The following FBXL4 variants were observed in gnomAD, a reference collection of about 807,000 sequenced individuals.
FBXL4 encodes the protein F-box/LRR-repeat protein 4.
Under a neutral mutation model 58.9 loss-of-function variants are expected in FBXL4, and 40 were observed. The observed-to-expected ratio is 0.68, with a 90% CI of 0.53 to 0.88. The LOEUF (loss-of-function observed/expected upper bound fraction) is 0.88, where lower values mean the gene tolerates loss of function less well. Ranked by LOEUF, FBXL4 falls within the 40% of genes least tolerant of loss-of-function variation. FBXL4 has a pLI of 0.00. For missense variants in FBXL4, 676 were observed against 734.4 expected, an observed-to-expected ratio of 0.92 and a Z score of 0.92; for synonymous variants, 263 against 265.5, an observed-to-expected ratio of 0.99 and a Z score of 0.09.
chr6:98,917,498 T>C lies in FBXL4; in HGVS notation c.734A>G (p.Asp245Gly), dbSNP rs1772407390. ...TTCTGCATAGGCATCATCTTCTATA[T>C]CATTCATGTCAATAAGTGAAGTCTT... ...SLKTSLIDMN[D>G]IEDDAYAEKD... Residue 245 changes from aspartate to glycine, a missense_variant, in exon 5 of 10, where the codon GAT (aspartate) becomes GGT (glycine). By Grantham distance (94) the Asp-to-Gly change is moderately conservative (BLOSUM62 -1). Coordinates refer to ENST00000369244, the MANE Select transcript of FBXL4 (RefSeq NM_001278716.2). 6.2e-7 allele frequency: 1 copy of C among 1,613,952 alleles called. No individual in the cohort carries two copies.
rs1770487536 is a variant in FBXL4 at position 98,871,403 on chromosome 6, C to G, written c.*2875G>C. 1 of 152,162 alleles carries G rather than the reference C, an allele frequency of 6.6e-6. No homozygotes were observed. Among genetic ancestry groups the G allele is most frequent in the African/African-American group, 2.4e-5 (1 of 41,440 alleles). The allele number at this position is 152,162 out of a possible 1,614,324, so 9.4% of individuals were successfully genotyped here. On this transcript the variant is annotated 3_prime_UTR_variant, in exon 10 of 10. Coordinates refer to ENST00000369244, the MANE Select transcript of FBXL4 (RefSeq NM_001278716.2). Reference sequence around the variant, plus strand: ...CCTAGTTATTGCTTATTTGATAAGTCAATGCCAACGTTGAAGTGACTGAAA... The same window carrying G: ...CCTAGTTATTGCTTATTTGATAAGTGAATGCCAACGTTGAAGTGACTGAAA...
At position 98,871,196 on chromosome 6, in the gene FBXL4, T is replaced by C. The variant is rs9388788; in HGVS notation, c.*3082A>G. On this transcript the variant is annotated 3_prime_UTR_variant, in exon 10 of 10. Transcript: ENST00000369244. Reference sequence around the variant, plus strand: ...ACGATAACTAAATTGTGTTTGATTCTATCGGCTGAAGGACTGTGTCCAAAG... The same window carrying C: ...ACGATAACTAAATTGTGTTTGATTCCATCGGCTGAAGGACTGTGTCCAAAG... 0.16 allele frequency: 24,157 copies of C among 152,114 alleles called. 2,280 individuals carry two copies. The highest frequency in any genetic ancestry group is 0.47 in the East Asian group (2,422 of 5,158). The allele number at this position is 152,114 out of a possible 1,614,324, so 9.4% of individuals were successfully genotyped here. A position where few individuals can be genotyped will look rare whatever the true frequency, so the allele number is the denominator to read the frequency against.
rs1418895454 is a variant in FBXL4, at chr6:98,872,803, C to T, written c.*1475G>A. Reference sequence around the variant, plus strand: ...CAGATGGCCTGGGTTTATATGTTGGCTCTGCCACTAGCAGCTGTATGATCA... The same window carrying T: ...CAGATGGCCTGGGTTTATATGTTGGTTCTGCCACTAGCAGCTGTATGATCA... On this transcript the variant is annotated 3_prime_UTR_variant, in exon 10 of 10. Coordinates refer to ENST00000369244, the MANE Select transcript of FBXL4 (RefSeq NM_001278716.2). 2 of 152,176 alleles carry T rather than the reference C, an allele frequency of 1.3e-5. No individual in the cohort carries two copies. Among genetic ancestry groups the T allele is most frequent in the African/African-American group, 2.4e-5 (1 of 41,438 alleles). 9.4% of individuals were successfully genotyped at this position (152,176 alleles called of 1,614,324 possible). A position where few individuals can be genotyped will look rare whatever the true frequency, so the allele number is the denominator to read the frequency against.
intron 5 of FBXL4, among the ~76,000 whole-genome samples, chr6:98,911,804 C>T (rs1582413285): frequency 6.6e-6 from 1 of 152,158 alleles, no homozygotes; most frequent in East Asian, 1.9e-4. Context: ...TCCTCACCGG[C>T]AATGGAACAA....
chr6:98,945,725 C>A (rs1184560033), intron 1 of FBXL4, among the ~76,000 whole-genome samples: 1 of 152,068 alleles, frequency 6.6e-6, no homozygotes, highest in Non-Finnish European at 1.5e-5. Flanking sequence ...CTTAGATAAC[C>A]ATTTTTCTCT....
chr6:98,911,341 C>G lies in FBXL4; in HGVS notation c.859-5671G>C, dbSNP rs1270580613. Among the ~76,000 whole-genome samples the G allele has an allele frequency of 2.6e-5, 4 of 152,146 alleles. No individual in the cohort carries two copies. In the South Asian group the frequency reaches 8.3e-4, roughly 31 times the overall value. On this transcript the variant is annotated intron_variant, in intron 5 of 9. Transcript: ENST00000369244. ...GAGGAGAGCAGTGGTTCTCCCAGCACGCAGCTGGAGATCTGAGAACGGGCA... is the reference window on the plus strand; with the variant it reads ...GAGGAGAGCAGTGGTTCTCCCAGCAGGCAGCTGGAGATCTGAGAACGGGCA...
intron 7 of FBXL4, among the ~76,000 whole-genome samples, chr6:98,889,978 T>C (rs1771168793): frequency 6.6e-6 from 1 of 152,206 alleles, no homozygotes; most frequent in South Asian, 2.1e-4. Flanking sequence ...ATATTTATTA[T>C]ACTCAAATAT....
chr6:98,909,341 G>A (rs1013065342), intron 5 of FBXL4, among the ~76,000 whole-genome samples: 3 of 152,158 alleles, frequency 2.0e-5, no homozygotes, highest in African/African-American at 4.8e-5. Flanking sequence ...GCATGGAGCT[G>A]TGCACTGAGG....
At chr6:98,914,767 A>G (rs372325117) in intron 5 of FBXL4, among the ~76,000 whole-genome samples, 16 of 152,260 alleles carry the variant, frequency 1.1e-4, no homozygotes, top group South Asian at 4.2e-4. Context: ...ACAAGACAGG[A>G]ATGCCCTCTC....
At chr6:98,930,026 G>C (rs1269999668) in intron 2 of FBXL4, among the ~76,000 whole-genome samples, 1 of 152,154 alleles carries the variant, frequency 6.6e-6, no homozygotes, top group African/African-American at 2.4e-5. Flanking sequence ...AAAACTTTAG[G>C]ACCTGGTAAG....
chr6:98,943,047 C>T (rs555366517), intron 1 of FBXL4, among the ~76,000 whole-genome samples: 5 of 152,074 alleles, frequency 3.3e-5, no homozygotes, highest in African/African-American at 1.2e-4. Flanking sequence ...ACTAAACAGG[C>T]ACAGGGATGG....
At chr6:98,930,647 G>A (rs1772977981) in intron 2 of FBXL4, among the ~76,000 whole-genome samples, 1 of 152,124 alleles carries the variant, frequency 6.6e-6, no homozygotes, top group African/African-American at 2.4e-5. Context: ...ATTTAAGGCT[G>A]AGGCTGGAGG....
rs978635771 is a variant in FBXL4 at position 98,896,722 on chromosome 6, G to A, written c.1317+2546C>T. The A allele has an allele frequency of 2.2e-5, 19 of 858,362 alleles. No individual in the cohort carries two copies. In the African/African-American group the frequency reaches 2.6e-4, roughly 12 times the overall value. The allele number at this position is 858,362 out of a possible 1,614,324, so 53.2% of individuals were successfully genotyped here. On this transcript the variant is annotated intron_variant, in intron 7 of 9. Coordinates refer to ENST00000369244, the MANE Select transcript of FBXL4 (RefSeq NM_001278716.2). ...ATGAGCCAATAAAAAAAATTTAATA[G>A]GAAGTAACAGAGGGTACAACCTAAA...
chr6:98,935,654 T>G (rs918334095), intron 1 of FBXL4, among the ~76,000 whole-genome samples: 1 of 151,036 alleles, frequency 6.6e-6, no homozygotes, highest in African/African-American at 2.4e-5. Context: ...CCGGGCGCGG[T>G]GGCGGGCGCC....
chr6:98,941,366 T>C (rs1773425636), intron 1 of FBXL4, among the ~76,000 whole-genome samples: 1 of 152,046 alleles, frequency 6.6e-6, no homozygotes, highest in Non-Finnish European at 1.5e-5. Flanking sequence ...AAAAGGCAAA[T>C]AGGAAAGGCA....
intron 2 of FBXL4, among the ~76,000 whole-genome samples, chr6:98,933,464 C>G (rs1773089736): frequency 6.6e-6 from 1 of 152,178 alleles, no homozygotes; most frequent in Non-Finnish European, 1.5e-5. Context: ...AGCAGCACTC[C>G]TGCTTTCATG....
chr6:98,933,332 T>C (rs1011598963), intron 2 of FBXL4, among the ~76,000 whole-genome samples: 19 of 152,180 alleles, frequency 1.2e-4, no homozygotes, highest in Non-Finnish European at 1.3e-4. Context: ...AGGAAGGCTG[T>C]CTTTTTGATA....
In FBXL4 at chr6:98,869,179, A is replaced by G. The variant is rs1242560500; in HGVS notation, c.*5099T>C. On this transcript the variant is annotated 3_prime_UTR_variant, in exon 10 of 10. Transcript: ENST00000369244. ...TTGACAAGATTTTAAGGGTAGTTAA[A>G]AAAGTTTCTCTGAAGTATCAATATC... 6.6e-6 allele frequency: 1 copy of G among 152,236 alleles called. No homozygotes were observed. Among genetic ancestry groups the G allele is most frequent in the African/African-American group, 2.4e-5 (1 of 41,460 alleles). The allele number at this position is 152,236 out of a possible 1,614,324, so 9.4% of individuals were successfully genotyped here.
chr6:98,889,890 C>T (rs975931607), intron 7 of FBXL4, among the ~76,000 whole-genome samples: 23 of 151,998 alleles, frequency 1.5e-4, no homozygotes, highest in African/African-American at 4.6e-4. Context: ...TTTTAAGAAA[C>T]GTTACCCATA....
Sources: allele counts gnomAD v4.1 joint callset (sites outside exome capture counted in the v4.1 genomes callset), GRCh38; gene constraint gnomAD v4.1.1; transcripts MANE v1.5; gene names NCBI Gene and HGNC (gene_info 2026-07-23, HGNC 2026-07-21).